The following RPS6KA5 variants were observed in gnomAD, a reference collection of about 807,000 sequenced individuals.
RPS6KA5 encodes ribosomal protein S6 kinase alpha-5.
Under a neutral mutation model 85.5 loss-of-function variants are expected in RPS6KA5, and 27 were observed. The ratio of observed to expected loss-of-function variants is 0.32; its 90% CI spans 0.23 to 0.44. The LOEUF (loss-of-function observed/expected upper bound fraction) is 0.44, where lower values mean the gene tolerates loss of function less well. Among genes scored for constraint, RPS6KA5 ranks in the 20% least tolerant of loss-of-function variants. The probability of loss-of-function intolerance (pLI) is 1.00; values close to 1 mark genes in which losing one functional copy is unlikely to be tolerated. For missense variants in RPS6KA5, 811 were observed against 980.9 expected (o/e 0.83, Z 2.31); for synonymous variants, 334 against 348.2 (o/e 0.96, Z 0.46).
At chr14:90,889,774 T>C (rs1450784940) in intron 14 of RPS6KA5, among the ~76,000 whole-genome samples, 1 of 152,140 alleles carries the variant, frequency 6.6e-6, no homozygotes, top group African/African-American at 2.4e-5. Context: ...ATGAAAAGCC[T>C]ACATATCTAA....
chr14:90,874,712 G>T (rs2033336317), intron 15 of RPS6KA5, among the ~76,000 whole-genome samples: 2 of 152,164 alleles, frequency 1.3e-5, no homozygotes, highest in South Asian at 4.1e-4. Flanking sequence ...TTTGGGGAGA[G>T]AAATGGTGAT....
chr14:90,978,382 T>C lies in RPS6KA5; in HGVS notation c.318A>G (p.Glu106=), dbSNP rs2039654387. The C allele has an allele frequency of 6.2e-7, 1 of 1,613,794 alleles. No homozygotes were observed. ...EHTRTERQVL[E]HIRQSPFLVT... is the part of the protein sequence containing the mutation. ...CCAAAAATGGCGACTGCCTAATGTG[T>C]TCCAGGACTTGTCGTTCTGTCCTTG... The change falls in exon 3 of 17, where the codon GAA becomes GAG. Residue 106 remains glutamate, a synonymous_variant. Transcript: ENST00000614987.
chr14:90,901,266 G>A (rs2035153644), intron 9 of RPS6KA5, among the ~76,000 whole-genome samples: 1 of 152,022 alleles, frequency 6.6e-6, no homozygotes, highest in Non-Finnish European at 1.5e-5. Context: ...CACCATGCCT[G>A]ACGGGGTTTC....
chr14:90,985,976 A>C (rs1437257484), intron 2 of RPS6KA5, among the ~76,000 whole-genome samples: 1 of 152,234 alleles, frequency 6.6e-6, no homozygotes, highest in East Asian at 1.9e-4. Flanking sequence ...GGAACTGCTG[A>C]AAAATTAGGT....
chr14:90,958,888 T>C (rs1214955793), intron 3 of RPS6KA5, among the ~76,000 whole-genome samples: 1 of 152,102 alleles, frequency 6.6e-6, no homozygotes, highest in Non-Finnish European at 1.5e-5. Context: ...AGGGTAGAGA[T>C]GAGGACTGTG....
chr14:90,879,116 A>G (rs748445734), intron 14 of RPS6KA5, among the ~76,000 whole-genome samples: 2 of 152,216 alleles, frequency 1.3e-5, no homozygotes, highest in African/African-American at 2.4e-5. Context: ...TGCCTCAAAC[A>G]TGTGATCCCA....
chr14:90,979,693 G>A (rs568138328), intron 2 of RPS6KA5, among the ~76,000 whole-genome samples: 6 of 152,354 alleles, frequency 3.9e-5, no homozygotes, highest in Middle Eastern at 3.4e-3. Context: ...GAGAAGGAGC[G>A]CCAACATTTA....
chr14:90,933,587 C>T (rs1176867788), intron 5 of RPS6KA5, among the ~76,000 whole-genome samples: 1 of 152,190 alleles, frequency 6.6e-6, no homozygotes, highest in Non-Finnish European at 1.5e-5. Flanking sequence ...TCTATCTGGA[C>T]CTCATGTTTC....
Position 90,945,909 on chromosome 14 carries a change from G to A in RPS6KA5, c.510+1526C>T, listed in dbSNP as rs148023930. On this transcript the variant is annotated intron_variant, in intron 4 of 16. Coordinates refer to ENST00000614987, the MANE Select transcript of RPS6KA5 (RefSeq NM_004755.4). ...TCCCAGCTACTCGGGAGATTGACAC[G>A]AGAGGATCACCTGAGCCTGGGAAGG... 1.1e-4 allele frequency among the ~76,000 whole-genome samples: 16 copies of A among 152,192 alleles called. No individual in the cohort carries two copies. In the East Asian group the frequency reaches 3.1e-3, roughly 29 times the overall value.
At chr14:90,973,543 G>A (rs900420987) in intron 3 of RPS6KA5, among the ~76,000 whole-genome samples, 4 of 151,712 alleles carry the variant, frequency 2.6e-5, no homozygotes, top group African/African-American at 4.8e-5. Flanking sequence ...AATGACATAC[G>A]TGCAAGTTAT....
chr14:90,900,599 ACATCTATATAC>A lies in RPS6KA5; in HGVS notation c.1245+1_1245+11del. The A allele has an allele frequency of 6.2e-7, 1 of 1,605,466 alleles. No homozygotes were observed. Among genetic ancestry groups the A allele is most frequent in the Non-Finnish European group, 8.5e-7 (1 of 1,176,832 alleles). On this transcript the variant is annotated splice_donor_variant and splice_donor_5th_base_variant and intron_variant, in intron 10 of 16. Coordinates refer to ENST00000614987, the MANE Select transcript of RPS6KA5 (RefSeq NM_004755.4). LOFTEE classifies it high-confidence loss of function. ...CTACAAATATGTCATATAAGTTACC[ACATCTATATAC>A]CTTCATCATTGCACTCCTGGCAACA...
chr14:90,984,610 T>C (rs7155524), intron 2 of RPS6KA5, among the ~76,000 whole-genome samples: 1,941 of 152,318 alleles, frequency 0.013, 17 homozygotes, highest in Middle Eastern at 0.02. Flanking sequence ...TAAGAAATAA[T>C]ATATACTGAA....
chr14:91,044,305 AAG>A (rs1248013955), intron 1 of RPS6KA5, among the ~76,000 whole-genome samples: 22 of 119,092 alleles, frequency 1.8e-4, no homozygotes, highest in Non-Finnish European at 2.3e-4. Flanking sequence ...AAGAGAGAGA[AAG>A]AGAGAGAGAG....
At position 90,870,713 on chromosome 14, in the gene RPS6KA5, C is replaced by G. The variant is rs181802610; in HGVS notation, c.*1361G>C. 3 of 151,970 alleles carry G rather than the reference C, an allele frequency of 2.0e-5. No homozygotes were observed. Among genetic ancestry groups the G allele is most frequent in the Admixed American group, 2.0e-4 (3 of 15,218 alleles). The allele number at this position is 151,970 out of a possible 1,614,324, so 9.4% of individuals were successfully genotyped here. On this transcript the variant is annotated 3_prime_UTR_variant, in exon 17 of 17. Coordinates refer to ENST00000614987, the MANE Select transcript of RPS6KA5 (RefSeq NM_004755.4). ...GGGCATTATCTCTTTAAGCATGATT[C>G]CTGTAAACAAAGCAAAAAAATCACT... is the stretch of plus-strand genomic sequence containing the variant.
chr14:91,059,887 C>T (rs1025820916), intron 1 of RPS6KA5: 12 of 317,768 alleles, frequency 3.8e-5, no homozygotes, highest in Non-Finnish European at 5.0e-5. Flanking sequence ...CACAGAGCCC[C>T]ACCGGGACCC....
chr14:91,026,249 A>G (rs2041986864), intron 1 of RPS6KA5, among the ~76,000 whole-genome samples: 1 of 151,826 alleles, frequency 6.6e-6, no homozygotes, highest in South Asian at 2.1e-4. Flanking sequence ...GTTGCCCTGG[A>G]TTTTTTGTTC....
At chr14:90,947,284 T>A in intron 4 of RPS6KA5, 151 bp downstream of exon 4, 1 of 470,040 alleles carries the variant, frequency 2.1e-6, no homozygotes, top group East Asian at 3.2e-5. Context: ...CAAACGGAAT[T>A]ATGAAATTGA....
chr14:90,894,070 A>C (rs956762334), intron 13 of RPS6KA5: 2 of 955,046 alleles, frequency 2.1e-6, no homozygotes, highest in South Asian at 4.8e-5. Flanking sequence ...TGGAAAAAAA[A>C]CCCTCTAAAA....
chr14:90,975,579 G>A (rs755296333), intron 3 of RPS6KA5, among the ~76,000 whole-genome samples: 2 of 152,184 alleles, frequency 1.3e-5, no homozygotes, highest in Non-Finnish European at 2.9e-5. Context: ...GAAAGAGGCC[G>A]TGGGAGAAAC....
Sources: allele counts gnomAD v4.1 joint callset (sites outside exome capture counted in the v4.1 genomes callset), GRCh38; gene constraint gnomAD v4.1.1; transcripts MANE v1.5; gene names NCBI Gene and HGNC (gene_info 2026-07-23, HGNC 2026-07-21).